Variants in ABCA9 observed in about 807,000 individuals in gnomAD.
The protein encoded by ABCA9 is ATP binding cassette subfamily A member 9, also known as ATP-binding cassette sub-family A member 9.
Under a neutral mutation model 205.3 loss-of-function variants are expected in ABCA9, and 183 were observed. The ratio of observed to expected loss-of-function variants is 0.89; its 90% confidence interval spans 0.79 to 1.01. ABCA9 has a LOEUF of 1.01. Ranked by LOEUF, ABCA9 falls within the 50% of genes least tolerant of loss-of-function variation. ABCA9 has a pLI of 0.00. For synonymous variants in ABCA9, 651 were observed against 683.3 expected, an observed-to-expected ratio of 0.95 and a Z score of 0.74; for missense variants, 1,805 against 1,912.4, an observed-to-expected ratio of 0.94 and a Z score of 1.05.
chr17:69,033,722 T>A lies in ABCA9; in HGVS notation c.1276+4A>T. On this transcript the variant is annotated splice_donor_region_variant and intron_variant, in intron 9 of 38. Transcript: ENST00000340001. ...TGTTAAATTACAGCCATGTTAGTAC[T>A]TACCGGGCAAAATTTTGTCAAAATA... 1 of 1,605,744 alleles carries A rather than the reference T, an allele frequency of 6.2e-7. No homozygotes were observed. The highest frequency in any genetic ancestry group is 1.1e-5 in the South Asian group (1 of 89,122).
At position 68,974,872 on chromosome 17, in the gene ABCA9, A is replaced by G. The variant is rs985933151; in HGVS notation, c.*1043T>C. 6 of 152,142 alleles carry G rather than the reference A, an allele frequency of 3.9e-5. No homozygotes were observed. Among genetic ancestry groups the G allele is most frequent in the Non-Finnish European group, 8.8e-5 (6 of 68,032 alleles). The allele number at this position is 152,142 out of a possible 1,614,324, so 9.4% of individuals were successfully genotyped here. On this transcript the variant is annotated 3_prime_UTR_variant, in exon 39 of 39. Coordinates refer to ENST00000340001, the MANE Select transcript of ABCA9 (RefSeq NM_080283.4). Reference sequence around the variant, plus strand: ...GAAATTATTTATTTATTTTTATTATACTTTAAGTTCTGGGATACATGTGCT... The same window carrying G: ...GAAATTATTTATTTATTTTTATTATGCTTTAAGTTCTGGGATACATGTGCT...
intron 9 of ABCA9, chr17:69,032,597 C>A (rs2071190309): frequency 5.5e-6 from 1 of 181,240 alleles, no homozygotes. Context: ...ACTTATGTGT[C>A]CTTTTTATTT....
intron 26 of ABCA9, among the ~76,000 whole-genome samples, chr17:68,994,455 G>T (rs1281033861): frequency 2.0e-5 from 3 of 152,122 alleles, no homozygotes; most frequent in South Asian, 2.1e-4. Flanking sequence ...TTAAAAGCAG[G>T]CTGTAATAAG....
intron 29 of ABCA9, 91 bp from the exon 30 acceptor site, chr17:68,990,021 A>G (rs9902444): frequency 1.2e-6 from 1 of 868,652 alleles, no homozygotes; most frequent in African/African-American, 1.7e-5. Flanking sequence ...TTTCCTTATA[A>G]AAAATCATGA....
chr17:69,066,061 C>T, the ABCA9 span, among the ~76,000 whole-genome samples: 4 of 152,174 alleles, frequency 2.6e-5, no homozygotes, highest in African/African-American at 9.7e-5. Flanking sequence ...TTATAAATTA[C>T]CCAGTCTCAA....
intron 10 of ABCA9, among the ~76,000 whole-genome samples, chr17:69,031,572 G>A (rs577840379): frequency 7.2e-5 from 11 of 152,268 alleles, no homozygotes; most frequent in African/African-American, 2.6e-4. Context: ...ATTGAATAAA[G>A]CATGTCCATC....
In ABCA9 at chr17:69,014,173, A is replaced by AAAATCTGAAATCTG. The variant is rs1372968057; in HGVS notation, c.3039+2066_3039+2079dup. On this transcript the variant is annotated intron_variant, in intron 22 of 38. Coordinates refer to ENST00000340001, the MANE Select transcript of ABCA9 (RefSeq NM_080283.4). ...ACACAAGTTGAGAATCCCTAATCTG[A>AAAATCTGAAATCTG]AAATCTGAAATCTGAAATGCTCCAA... Among the ~76,000 whole-genome samples the AAAATCTGAAATCTG allele has an allele frequency of 3.3e-5, 5 of 152,258 alleles. No individual in the cohort carries two copies. In the East Asian group the frequency reaches 9.6e-4, roughly 29 times the overall value.
chr17:69,050,351 C>A (rs969573585), intron 2 of ABCA9, among the ~76,000 whole-genome samples: 1 of 68,564 alleles, frequency 1.5e-5, no homozygotes, highest in Admixed American at 1.6e-4. Context: ...CGAACACACA[C>A]ACACACACAC....
At chr17:69,005,829 A>C (rs1757796274) in intron 25 of ABCA9, among the ~76,000 whole-genome samples, 1 of 151,980 alleles carries the variant, frequency 6.6e-6, no homozygotes. Context: ...GGATTGTGTG[A>C]TGTATTTTGC....
chr17:69,001,929 T>G (rs2069889047), intron 25 of ABCA9, among the ~76,000 whole-genome samples: 1 of 150,958 alleles, frequency 6.6e-6, no homozygotes, highest in Admixed American at 6.6e-5. Flanking sequence ...TATTCTCTGA[T>G]GGTAGTTTGT....
In ABCA9 at chr17:69,051,043, T is replaced by C. The variant is rs1306104818; in HGVS notation, c.84A>G (p.Arg28=). The part of the protein sequence containing the change: ...KNCLKKWRMK[R]QTLLEWLFSF... ...CTCTGAAGCATACCAACAAGGTCTG[T>C]CTTTTCATTCTCCATTTTTTGAGAC... Residue 28 remains arginine (R), a synonymous_variant, in exon 2 of 39, where the codon AGA becomes AGG. Coordinates refer to ENST00000340001, the MANE Select transcript of ABCA9 (RefSeq NM_080283.4). 6.2e-7 allele frequency: 1 copy of C among 1,613,676 alleles called. No homozygotes were observed. The highest frequency in any genetic ancestry group is 2.2e-5 in the East Asian group (1 of 44,866).
In ABCA9 at chr17:69,018,550, G is replaced by C. The variant is rs771811038; in HGVS notation, c.2630C>G (p.Pro877Arg). Residue 877 changes from proline (P) to arginine (R), a missense_variant, in exon 20 of 39, where the codon CCT becomes CGT. Coordinates refer to ENST00000340001, the MANE Select transcript of ABCA9 (RefSeq NM_080283.4). The stretch of plus-strand genomic sequence containing the variant: ...GTAGAATAGATGTTCCAAAAGTTGA[G>C]GGATAAAGCTAATACCAAAAAGCAA... ...ILLLFGISFI[P>R]QLLEHLFYES... 2 of 1,598,780 alleles carry C rather than the reference G, an allele frequency of 1.3e-6. No individual in the cohort carries two copies. The highest frequency in any genetic ancestry group is 1.7e-6 in the Non-Finnish European group (2 of 1,175,054).
chr17:68,991,974 C>T (rs558954894), intron 28 of ABCA9, among the ~76,000 whole-genome samples: 31 of 152,222 alleles, frequency 2.0e-4, no homozygotes, highest in African/African-American at 7.0e-4. Context: ...TCCAGTGTCT[C>T]GTGTGTGCTA....
rs2070891247 is a variant in ABCA9, at chr17:69,023,663, G to A, written c.2281+551C>T. Among the ~76,000 whole-genome samples, 2 of 152,170 alleles carry A rather than the reference G, an allele frequency of 1.3e-5. No homozygotes were observed. Among genetic ancestry groups the A allele is most frequent in the African/African-American group, 4.8e-5 (2 of 41,446 alleles). On this transcript the variant is annotated intron_variant, in intron 17 of 38. Transcript: ENST00000340001. This position sits in a 1 kb window ranked among gnomAD's most constrained non-coding sequence, Gnocchi z 4.2. ...CGCTTAGGAAGTGAAACAGTGCATT[G>A]GGAGATACCATAGAAAAGTAATAAC...
chr17:69,064,813 T>A (rs1363848238), upstream of ABCA9, among the ~76,000 whole-genome samples: 1 of 152,224 alleles, frequency 6.6e-6, no homozygotes, highest in African/African-American at 2.4e-5. Context: ...AACTTATATT[T>A]CTTAGTGGTG....
chr17:69,027,573 A>G, intron 13 of ABCA9, 67 bp downstream of exon 13: 1 of 1,576,476 alleles, frequency 6.3e-7, no homozygotes, highest in Non-Finnish European at 8.6e-7. Flanking sequence ...TGTATAACTT[A>G]GCACAATATT....
At chr17:69,009,037 A>G (rs1299834857) in intron 23 of ABCA9, among the ~76,000 whole-genome samples, 1 of 152,222 alleles carries the variant, frequency 6.6e-6, no homozygotes, top group East Asian at 1.9e-4. Context: ...GATAGTGAGG[A>G]CCGTTAGAGA....
Position 69,000,223 on chromosome 17 carries a change from A to C in ABCA9, c.3436-4209T>G, listed in dbSNP as rs377479296. Among the ~76,000 whole-genome samples, 15 of 148,904 alleles carry C rather than the reference A, an allele frequency of 1.0e-4. No homozygotes were observed. The Admixed American group carries it at 1.0e-3, about 10-fold the overall frequency. ...GCCCATGCCTATGTCCTGAATGGTA[A>C]TGCCTAGGTTTTCTTCTAGGGTTTT... On this transcript the variant is annotated intron_variant, in intron 25 of 38. Coordinates refer to ENST00000340001, the MANE Select transcript of ABCA9 (RefSeq NM_080283.4).
chr17:69,040,938 G>A (rs1476303457), intron 6 of ABCA9, among the ~76,000 whole-genome samples: 1 of 150,186 alleles, frequency 6.7e-6, no homozygotes, highest in Non-Finnish European at 1.5e-5. Flanking sequence ...AAGAGAAAAA[G>A]CTTTCTAATC....
Sources: gnomAD v4.1 joint callset for allele counts (sites outside exome capture counted in the v4.1 genomes callset) on GRCh38, gnomAD v4.1.1 for gene constraint, Gnocchi (gnomAD v3.1) non-coding constraint, MANE v1.5 for transcripts, NCBI Gene and HGNC (gene_info 2026-07-23, HGNC 2026-07-21) for gene names.